PLEKHB2: variants seen among roughly 807,000 people sequenced by gnomAD.
PLEKHB2 encodes pleckstrin homology domain containing B2.
A neutral mutation model predicts 36.5 loss-of-function variants in PLEKHB2; 31 were observed. The ratio of observed to expected loss-of-function variants is 0.85; its 90% CI spans 0.64 to 1.15. The LOEUF (loss-of-function observed/expected upper bound fraction) is 1.15. Among genes scored for constraint, PLEKHB2 ranks in the 50% most tolerant of loss-of-function variants. The pLI is 0.00. For synonymous variants in PLEKHB2, 119 were observed against 112.0 expected (o/e 1.06, Z -0.39); for missense variants, 262 against 295.3 (o/e 0.89, Z 0.83).
chr2:131,115,341 CTTTTTTTTTTTTTTTTTT>C (rs1179533654), intron 1 of PLEKHB2, among the ~76,000 whole-genome samples: 7 of 64,546 alleles, frequency 1.1e-4, no homozygotes, highest in South Asian at 6.2e-4. Flanking sequence ...GAAAGTATGT[CTTTTTTTTTTTTTTTTTT>C]TTTTTTTTTT....
chr2:131,114,497 C>G (rs982618242), intron 1 of PLEKHB2, among the ~76,000 whole-genome samples: 1 of 152,222 alleles, frequency 6.6e-6, no homozygotes, highest in Non-Finnish European at 1.5e-5. Context: ...ATTTCTGCAG[C>G]AGGCTTGAAT....
rs1304322484 is a variant in PLEKHB2, at chr2:131,148,635, C to A, written c.*1862C>A. On this transcript the variant is annotated 3_prime_UTR_variant, in exon 8 of 8. Transcript: ENST00000693505. ...ACATAGGACTCCATCTTTAGCGAGA[C>A]ACCAGAGACACCTAGTGATGACCAC... 1 of 152,178 alleles carries A rather than the reference C, an allele frequency of 6.6e-6. No homozygotes were observed. Among genetic ancestry groups the A allele is most frequent in the South Asian group, 2.1e-4 (1 of 4,830 alleles). The allele number at this position is 152,178 out of a possible 1,614,324, so 9.4% of individuals were successfully genotyped here.
Position 131,146,826 on chromosome 2 carries a change from A to T in PLEKHB2, c.*53A>T. The T allele has an allele frequency of 6.9e-7, 1 of 1,451,720 alleles. No individual in the cohort carries two copies. The highest frequency in any genetic ancestry group is 9.3e-7 in the Non-Finnish European group (1 of 1,076,268). The allele number at this position is 1,451,720 out of a possible 1,614,324, so 89.9% of individuals were successfully genotyped here. On this transcript the variant is annotated 3_prime_UTR_variant, in exon 8 of 8. Transcript: ENST00000693505. ...TTCTGATAACCCTGTGTGCAATAAT[A>T]TGATTTGCAGGGCATTTCTGTTTGT...
intron 1 of PLEKHB2, among the ~76,000 whole-genome samples, chr2:131,118,049 G>A (rs6742217): frequency 0.022 from 3,397 of 152,310 alleles, 128 homozygotes; most frequent in African/African-American, 0.077. Flanking sequence ...ATGCTGCTTA[G>A]TAGAAAGTCT....
At chr2:131,134,402 A>C (rs558699044) in intron 6 of PLEKHB2, among the ~76,000 whole-genome samples, 1 of 152,346 alleles carries the variant, frequency 6.6e-6, no homozygotes, top group East Asian at 1.9e-4. Context: ...TAACATGACA[A>C]ACCTAGCCCA....
In PLEKHB2 at chr2:131,147,196, A is replaced by G. The variant is rs1245680835; in HGVS notation, c.*423A>G. 6.5e-6 allele frequency: 1 copy of G among 152,828 alleles called. No individual in the cohort carries two copies. The highest frequency in any genetic ancestry group is 1.5e-5 in the Non-Finnish European group (1 of 68,484). 9.5% of individuals were successfully genotyped at this position (152,828 alleles called of 1,614,324 possible). A position where few individuals can be genotyped will look rare whatever the true frequency, so the allele number is the denominator to read the frequency against. ...TTTGCGTTTAACTTTTTCAAACCAC[A>G]GACCAGAACTGGTTGCATGTTACTT... On this transcript the variant is annotated 3_prime_UTR_variant, in exon 8 of 8. Transcript: ENST00000693505.
At chr2:131,127,924 C>T (rs889172092) in intron 4 of PLEKHB2, among the ~76,000 whole-genome samples, 2 of 152,178 alleles carry the variant, frequency 1.3e-5, no homozygotes, top group East Asian at 3.9e-4. Flanking sequence ...CTCATCATTG[C>T]AGGGCAGTGA....
At chr2:131,109,131 G>C (rs905271225) in intron 1 of PLEKHB2, among the ~76,000 whole-genome samples, 2 of 152,064 alleles carry the variant, frequency 1.3e-5, no homozygotes, top group Non-Finnish European at 2.9e-5. Flanking sequence ...CCAGGAGTTC[G>C]AGACCAGCTT....
intron 7 of PLEKHB2, among the ~76,000 whole-genome samples, chr2:131,142,273 C>T (rs1345884564): frequency 6.6e-6 from 1 of 152,182 alleles, no homozygotes. Context: ...TTAAATGAAA[C>T]AGTGTTATTT....
chr2:131,145,260 G>A (rs1222547218), intron 7 of PLEKHB2, among the ~76,000 whole-genome samples: 2 of 152,214 alleles, frequency 1.3e-5, no homozygotes, highest in Admixed American at 1.3e-4. Context: ...GGCTGGAAAT[G>A]TTCACCTTTG....
At chr2:131,129,573 C>A (rs1697456337) in intron 4 of PLEKHB2, among the ~76,000 whole-genome samples, 1 of 152,012 alleles carries the variant, frequency 6.6e-6, no homozygotes, top group African/African-American at 2.4e-5. Context: ...GGTATAATCT[C>A]CGCTCATTGC....
chr2:131,145,787 A>G (rs942984342), intron 7 of PLEKHB2, among the ~76,000 whole-genome samples: 1 of 152,204 alleles, frequency 6.6e-6, no homozygotes, highest in African/African-American at 2.4e-5. Context: ...GTAAATTTTA[A>G]TCTTGCAAAT....
At position 131,125,900 on chromosome 2, in the gene PLEKHB2, G is replaced by T. The variant is rs746332860; in HGVS notation, c.185G>T (p.Cys62Phe). The change falls in exon 3 of 8, where the codon TGT becomes TTT. Residue 62 changes from cysteine (C) to phenylalanine (F), a missense_variant. Physicochemically the swap from Cys to Phe is radical, Grantham distance 205 (BLOSUM62 -2). Coordinates refer to ENST00000693505, the MANE Select transcript of PLEKHB2 (RefSeq NM_001100623.2). ...DCINIRTGQE[C>F]RDTQPPDGKS... is the part of the protein sequence containing the mutation. Reference sequence around the variant, plus strand: ...ATCAACATCCGCACGGGGCAGGAATGTCGGGGTAAGCTGGCCTGTCTTGGC... The same window carrying T: ...ATCAACATCCGCACGGGGCAGGAATTTCGGGGTAAGCTGGCCTGTCTTGGC... 1.9e-6 allele frequency: 3 copies of T among 1,612,212 alleles called. No individual in the cohort carries two copies. The highest frequency in any genetic ancestry group is 1.7e-5 in the Admixed American group (1 of 59,902).
chr2:131,145,426 C>T (rs867311863), intron 7 of PLEKHB2, among the ~76,000 whole-genome samples: 1 of 152,116 alleles, frequency 6.6e-6, no homozygotes, highest in Non-Finnish European at 1.5e-5. Flanking sequence ...CTGCAGCCCC[C>T]GCCTCCCAGG....
intron 2 of PLEKHB2, among the ~76,000 whole-genome samples, chr2:131,124,230 C>G (rs1022893395): frequency 2.6e-5 from 4 of 152,306 alleles, no homozygotes; most frequent in Non-Finnish European, 4.4e-5. Flanking sequence ...CAGTGGACAC[C>G]CCTCCTGGTG....
intron 1 of PLEKHB2, among the ~76,000 whole-genome samples, chr2:131,116,506 T>TA (rs1327765132): frequency 1.3e-5 from 2 of 152,156 alleles, no homozygotes; most frequent in Non-Finnish European, 2.9e-5. Context: ...TCAGAAAGCT[T>TA]ACAATCATGG....
chr2:131,115,116 TC>T (rs766286703), intron 1 of PLEKHB2, among the ~76,000 whole-genome samples: 1 of 152,108 alleles, frequency 6.6e-6, no homozygotes, highest in Non-Finnish European at 1.5e-5. Context: ...AGGAACAAAG[TC>T]ATGTCTTACA....
chr2:131,144,100 T>C lies in PLEKHB2; in HGVS notation c.533-2537T>C, dbSNP rs963007410. On this transcript the variant is annotated intron_variant, in intron 7 of 7. Coordinates refer to ENST00000693505, the MANE Select transcript of PLEKHB2 (RefSeq NM_001100623.2). ...TGTGGTCGATACACAGCAGCTTGTGTTGACAACCAGATGGGTGCTTTGCCA... is the reference window on the plus strand; with the variant it reads ...TGTGGTCGATACACAGCAGCTTGTGCTGACAACCAGATGGGTGCTTTGCCA... Among the ~76,000 whole-genome samples, 4 of 152,162 alleles carry C rather than the reference T, an allele frequency of 2.6e-5. No individual in the cohort carries two copies. The East Asian group carries it at 7.7e-4, about 29-fold the overall frequency.
At chr2:131,137,607 C>T (rs1012654075) in intron 6 of PLEKHB2, among the ~76,000 whole-genome samples, 1 of 152,188 alleles carries the variant, frequency 6.6e-6, no homozygotes, top group Non-Finnish European at 1.5e-5. Context: ...AGTAAAAATC[C>T]TCCAGTTCAT....
Sources: allele counts gnomAD v4.1 joint callset (sites outside exome capture counted in the v4.1 genomes callset), GRCh38; gene constraint gnomAD v4.1.1; transcripts MANE v1.5; gene names NCBI Gene and HGNC (gene_info 2026-07-23, HGNC 2026-07-21).